The following CLTCL1 variants were observed in gnomAD, a reference collection of about 807,000 sequenced individuals.
CLTCL1 encodes clathrin heavy chain like 1.
CLTCL1 carries 159 observed loss-of-function variants against 190.0 expected under a neutral mutation model. That is an observed-to-expected ratio of 0.84 (90% CI 0.74 to 0.95). The LOEUF (loss-of-function observed/expected upper bound fraction) is 0.95, where lower values mean the gene tolerates loss of function less well. CLTCL1 is among the 40% of genes least tolerant of loss of function. The pLI is 0.00. For synonymous variants in CLTCL1, 752 were observed against 769.6 expected (o/e 0.98, Z 0.38); for missense variants, 1,878 against 2,033.4 (o/e 0.92, Z 1.47).
At chr22:19,244,874 T>C (rs927186648) in intron 3 of CLTCL1, among the ~76,000 whole-genome samples, 11 of 152,210 alleles carry the variant, frequency 7.2e-5, no homozygotes, top group African/African-American at 2.7e-4. Context: ...CCAGGCACCA[T>C]GCTAGGGGCC....
chr22:19,228,268 T>C (rs1159216314), intron 11 of CLTCL1, among the ~76,000 whole-genome samples: 1 of 152,222 alleles, frequency 6.6e-6, no homozygotes, highest in Non-Finnish European at 1.5e-5. Context: ...TTTCTCCTCA[T>C]AGCAACAGTG....
chr22:19,249,910 G>T, intron 3 of CLTCL1: 1 of 433,492 alleles, frequency 2.3e-6, no homozygotes, highest in Non-Finnish European at 4.6e-6. Flanking sequence ...CCTTTAGAAT[G>T]ACTGATGGTA....
chr22:19,183,691 G>T, intron 29 of CLTCL1, 80 bp from the exon 30 acceptor site: 1 of 1,404,418 alleles, frequency 7.1e-7, no homozygotes, highest in Non-Finnish European at 9.8e-7. Flanking sequence ...GGAGGGCAGG[G>T]AGTGGCACTA....
At chr22:19,274,422 T>G (rs2087428571) in intron 2 of CLTCL1, among the ~76,000 whole-genome samples, 1 of 152,194 alleles carries the variant, frequency 6.6e-6, no homozygotes, top group African/African-American at 2.4e-5. Context: ...AAAGCATCAT[T>G]AATATCCCAT....
intron 27 of CLTCL1, among the ~76,000 whole-genome samples, chr22:19,190,596 C>CAAAAAAAAAAAAAAAAAAAAAAA (rs55780206): frequency 8.2e-5 from 6 of 72,820 alleles, no homozygotes; most frequent in Admixed American, 1.7e-4. Context: ...AAGACTGTCT[C>CAAAAAAAAAAAAAAAAAAAAAAA]AAAAAAAAAA....
intron 22 of CLTCL1, among the ~76,000 whole-genome samples, chr22:19,207,366 C>T (rs1028496066): frequency 6.6e-6 from 1 of 152,152 alleles, no homozygotes; most frequent in Non-Finnish European, 1.5e-5. Flanking sequence ...AACTCTGACT[C>T]AATTAATTTT....
Position 19,183,443 on chromosome 22 carries a change from C to T in CLTCL1, c.4774G>A (p.Val1592Met), listed in dbSNP as rs2073738. ...ATGAAGTAGGGCATGGCCAAGTCCA[C>T]GAGGTTGTGCCTCCAGGCCAGCTCA... ...VLELAWRHNL[V>M]DLAMPYFIQV... The change falls in exon 30 of 33, where the codon GTG becomes ATG. Residue 1592 changes from valine to methionine, a missense_variant. Coordinates refer to ENST00000427926, the MANE Select transcript of CLTCL1 (RefSeq NM_007098.4). 0.011 allele frequency: 18,137 copies of T among 1,613,660 alleles called. 307 individuals are homozygous for T. The highest frequency in any genetic ancestry group is 0.068 in the East Asian group (3,046 of 44,884).
At chr22:19,232,630 C>T (rs2085952753) in intron 9 of CLTCL1, 32 bp from the exon 10 acceptor site, 1 of 1,586,954 alleles carries the variant, frequency 6.3e-7, no homozygotes, top group South Asian at 1.1e-5. Context: ...TCAGGAAAAT[C>T]AATGAAAAAC....
At chr22:19,199,326 C>T (rs372688800) in intron 24 of CLTCL1, among the ~76,000 whole-genome samples, 76 of 152,260 alleles carry the variant, frequency 5.0e-4, no homozygotes, top group African/African-American at 1.7e-3. Flanking sequence ...TGTGCTTTGT[C>T]CCTAAGGCAC....
intron 1 of CLTCL1, among the ~76,000 whole-genome samples, chr22:19,282,582 T>G (rs1396897708): frequency 6.7e-6 from 1 of 148,828 alleles, no homozygotes. Context: ...CAAGCCAGGA[T>G]CACTCCACTG....
At chr22:19,286,593 C>A (rs575972029) in intron 1 of CLTCL1, among the ~76,000 whole-genome samples, 1 of 152,172 alleles carries the variant, frequency 6.6e-6, no homozygotes, top group South Asian at 2.1e-4. Flanking sequence ...GGAGCATGAC[C>A]CCCAGAAGCC....
chr22:19,219,797 A>G (rs1284546622), intron 18 of CLTCL1, 88 bp downstream of exon 18: 2 of 1,586,056 alleles, frequency 1.3e-6, no homozygotes, highest in East Asian at 2.3e-5. Context: ...AGATGTTTTA[A>G]ATTAAAAATG....
intron 26 of CLTCL1, among the ~76,000 whole-genome samples, chr22:19,195,929 A>G (rs1555935166): frequency 6.6e-6 from 1 of 152,024 alleles, no homozygotes; most frequent in Non-Finnish European, 1.5e-5. Flanking sequence ...CTGACAGGGC[A>G]GAAGGAAGAA....
intron 1 of CLTCL1, among the ~76,000 whole-genome samples, chr22:19,284,869 C>A (rs782034917): frequency 3.9e-5 from 6 of 152,154 alleles, no homozygotes; most frequent in Non-Finnish European, 8.8e-5. Flanking sequence ...CCAGGAGAAT[C>A]GCTTGAACCG....
chr22:19,275,932 T>G (rs770170142), intron 1 of CLTCL1, 102 bp from the exon 2 acceptor site: 4 of 851,466 alleles, frequency 4.7e-6, no homozygotes, highest in Non-Finnish European at 6.9e-6. Flanking sequence ...TAGAAAAAAG[T>G]TAACATTAGG....
In CLTCL1 at chr22:19,222,545, A is replaced by G; in HGVS notation, c.2418+139T>C. 3 of 963,666 alleles carry G rather than the reference A, an allele frequency of 3.1e-6. No individual in the cohort carries two copies. In the South Asian group the frequency reaches 4.9e-5, roughly 16 times the overall value. The allele number at this position is 963,666 out of a possible 1,614,324, so 59.7% of individuals were successfully genotyped here. A position where few individuals can be genotyped will look rare whatever the true frequency, so the allele number is the denominator to read the frequency against. On this transcript the variant is annotated intron_variant, in intron 15 of 32. Transcript: ENST00000427926. ...CTGGACTGTGGTCTTCTACTCTGGC[A>G]GTCTGAGCACACGAACCCACCACCC...
intron 1 of CLTCL1, among the ~76,000 whole-genome samples, chr22:19,289,932 G>A (rs537823930): frequency 6.6e-6 from 1 of 152,188 alleles, no homozygotes; most frequent in African/African-American, 2.4e-5. Context: ...CTGAAGTCTC[G>A]AAATGTCTGT....
At chr22:19,180,264 G>A in intron 31 of CLTCL1, 26 bp from the exon 32 acceptor site, 2 of 1,613,358 alleles carry the variant, frequency 1.2e-6, no homozygotes, top group Non-Finnish European at 1.7e-6. Context: ...TGACATTAAT[G>A]GTGGAAGGAC....
At chr22:19,221,701 A>G in intron 16 of CLTCL1, 90 bp from the exon 17 acceptor site, 1 of 1,207,616 alleles carries the variant, frequency 8.3e-7, no homozygotes, top group Non-Finnish European at 1.1e-6. Flanking sequence ...GTTTCCTGAA[A>G]CAAAAAATCT....
Sources: allele counts gnomAD v4.1 joint callset (sites outside exome capture counted in the v4.1 genomes callset), GRCh38; gene constraint gnomAD v4.1.1; transcripts MANE v1.5; gene names NCBI Gene and HGNC (gene_info 2026-07-23, HGNC 2026-07-21).